MYO16: variants seen among roughly 807,000 people sequenced by gnomAD.
The protein encoded by MYO16 is unconventional myosin-XVI.
In MYO16, 94 loss-of-function variants were observed where a neutral mutation model predicts 205.3. The ratio of observed to expected loss-of-function variants is 0.46; its 90% confidence interval spans 0.39 to 0.54. The LOEUF (loss-of-function observed/expected upper bound fraction) is 0.54. Ranked by LOEUF, MYO16 falls within the 20% of genes least tolerant of loss-of-function variation. The probability of loss-of-function intolerance (pLI) is 0.00; values close to 1 mark genes in which losing one functional copy is unlikely to be tolerated. For missense variants in MYO16, 2,315 were observed against 2,387.5 expected (o/e 0.97, Z 0.63); for synonymous variants, 988 against 954.0 (o/e 1.04, Z -0.66).
At chr13:108,704,237 AT>A (rs1474849251) in intron 2 of MYO16, among the ~76,000 whole-genome samples, 1 of 152,260 alleles carries the variant, frequency 6.6e-6, no homozygotes, top group African/African-American at 2.4e-5. Flanking sequence ...GTATCAAAAA[AT>A]GAATCACAAT....
intron 32 of MYO16, among the ~76,000 whole-genome samples, chr13:109,144,159 C>T (rs1877225538): frequency 6.6e-6 from 1 of 151,790 alleles, no homozygotes; most frequent in African/African-American, 2.4e-5. Flanking sequence ...GAATTACAAG[C>T]GCCCACTACC....
At chr13:108,636,524 T>G (rs1880260271) in intron 1 of MYO16, among the ~76,000 whole-genome samples, 1 of 151,604 alleles carries the variant, frequency 6.6e-6, no homozygotes, top group South Asian at 2.1e-4. Context: ...GGACTACAAG[T>G]GCATACCACA....
rs1007411459 is a variant in MYO16, at chr13:108,630,421, A to G, written c.28+549A>G. Among the ~76,000 whole-genome samples the G allele has an allele frequency of 2.6e-5, 4 of 152,164 alleles. No homozygotes were observed. The East Asian group carries it at 7.7e-4, about 29-fold the overall frequency. On this transcript the variant is annotated intron_variant, in intron 1 of 34. Transcript: ENST00000457511. ...AGGGACTCTGTACCAAATGCTCTCC[A>G]CTGATGTTCATATGGTGAAATTTAG...
the MYO16 span, among the ~76,000 whole-genome samples, chr13:108,561,085 C>T: frequency 6.6e-6 from 1 of 152,142 alleles, no homozygotes; most frequent in African/African-American, 2.4e-5. Flanking sequence ...TTGTCTGTCC[C>T]ATAAGGTTGC....
At chr13:108,771,539 G>A (rs746324156) in intron 4 of MYO16, among the ~76,000 whole-genome samples, 24 of 151,984 alleles carry the variant, frequency 1.6e-4, no homozygotes, top group Non-Finnish European at 2.8e-4. Context: ...TTCATTCTTG[G>A]TGGTGCATAG....
rs75574065 is a variant in MYO16, at chr13:109,006,978, G to A, written c.2443-1919G>A. 1.7e-4 allele frequency among the ~76,000 whole-genome samples: 26 copies of A among 152,250 alleles called. No homozygotes were observed. The East Asian group carries it at 4.6e-3, about 27-fold the overall frequency. ...GAAAGCCAAGAGAGTGTGGTGTCCC[G>A]GAGGAGAGGGGAGAAAGTGCTCCAT... On this transcript the variant is annotated intron_variant, in intron 21 of 34. Coordinates refer to ENST00000457511, the MANE Select transcript of MYO16 (RefSeq NM_001198950.3).
At chr13:108,532,935 T>C in the MYO16 span, among the ~76,000 whole-genome samples, 2 of 151,992 alleles carry the variant, frequency 1.3e-5, no homozygotes, top group Admixed American at 6.6e-5. Flanking sequence ...TGGAAGAGAA[T>C]GGCACCCAGA....
At chr13:109,107,119 G>A (rs774015991) in intron 28 of MYO16, among the ~76,000 whole-genome samples, 12 of 152,124 alleles carry the variant, frequency 7.9e-5, no homozygotes, top group South Asian at 2.1e-4. Context: ...GTGTGCATGC[G>A]TGTATGTAAA....
chr13:108,886,563 A>AGCTTAGGG, intron 13 of MYO16: 2 of 449,306 alleles, frequency 4.5e-6, no homozygotes, highest in Non-Finnish European at 8.9e-6. Context: ...ATACCACCAG[A>AGCTTAGGG]GCTTAGGGCG....
At chr13:108,810,459 GA>G (rs897817262) in intron 7 of MYO16, among the ~76,000 whole-genome samples, 2 of 152,068 alleles carry the variant, frequency 1.3e-5, no homozygotes, top group Non-Finnish European at 2.9e-5. Flanking sequence ...TACTCAGACT[GA>G]AAAAACAACT....
At chr13:108,761,428 A>G (rs1885605250) in intron 4 of MYO16, among the ~76,000 whole-genome samples, 1 of 152,042 alleles carries the variant, frequency 6.6e-6, no homozygotes, top group Non-Finnish European at 1.5e-5. Context: ...AAAGCTGAGA[A>G]AACTTATTAG....
intron 16 of MYO16, among the ~76,000 whole-genome samples, chr13:108,933,217 T>G (rs1882336692): frequency 6.6e-6 from 1 of 152,152 alleles, no homozygotes; most frequent in Admixed American, 6.6e-5. Flanking sequence ...GACAGAAGAC[T>G]TCTGGGAATT....
At chr13:109,109,251 C>A (rs1889211414) in intron 28 of MYO16, among the ~76,000 whole-genome samples, 1 of 152,104 alleles carries the variant, frequency 6.6e-6, no homozygotes, top group African/African-American at 2.4e-5. Flanking sequence ...GTATTATATG[C>A]CAGAAGCCTT....
In MYO16 at chr13:109,141,081, G is replaced by C. The variant is rs201711885; in HGVS notation, c.4869G>C (p.Pro1623=). The change falls in exon 32 of 35, where the codon CCG becomes CCC. Residue 1623 remains proline (P), a synonymous_variant. Coordinates refer to ENST00000457511, the MANE Select transcript of MYO16 (RefSeq NM_001198950.3). This position sits in a 1 kb window ranked among gnomAD's most constrained non-coding sequence, Gnocchi z 4.1. ...TGGCCTTCCCGCCGGAGCCCGCCCCGGTGAACGCGGGGAAAGCGGGGCCGA... is the reference window on the plus strand; with the variant it reads ...TGGCCTTCCCGCCGGAGCCCGCCCCCGTGAACGCGGGGAAAGCGGGGCCGA... ...AHLAFPPEPA[P]VNAGKAGPSA... is the part of the protein sequence containing the mutation. The C allele has an allele frequency of 6.2e-4, 911 of 1,463,962 alleles. 3 individuals carry two copies. In the African/African-American group the frequency reaches 0.012, roughly 20 times the overall value. The allele number at this position is 1,463,962 out of a possible 1,614,324, so 90.7% of individuals were successfully genotyped here. A position where few individuals can be genotyped will look rare whatever the true frequency, so the allele number is the denominator to read the frequency against.
chr13:108,719,066 T>C (rs527626671), intron 3 of MYO16, among the ~76,000 whole-genome samples: 61 of 152,218 alleles, frequency 4.0e-4, no homozygotes, highest in African/African-American at 1.3e-3. Flanking sequence ...CCAGTGAAGA[T>C]AGCAACTAGA....
At chr13:108,925,087 G>C (rs892377932) in intron 16 of MYO16, among the ~76,000 whole-genome samples, 1 of 152,100 alleles carries the variant, frequency 6.6e-6, no homozygotes, top group Non-Finnish European at 1.5e-5. Flanking sequence ...GGATTTTGCT[G>C]AGCATCATCC....
At chr13:108,516,830 G>A in the MYO16 span, among the ~76,000 whole-genome samples, 2 of 151,994 alleles carry the variant, frequency 1.3e-5, no homozygotes, top group Non-Finnish European at 2.9e-5. Flanking sequence ...TTGCTGCTGG[G>A]TACATTTATT....
chr13:108,636,358 TTTTTTTTTTTTTGTGTG>T (rs1366596735), intron 1 of MYO16, among the ~76,000 whole-genome samples: 1 of 72,162 alleles, frequency 1.4e-5, no homozygotes. Flanking sequence ...TTTTTTTTTT[TTTTTTTTTTTTTGTGTG>T]TGTGTGTGTG....
rs1885400806 is a variant in MYO16 at position 108,755,681 on chromosome 13, A to T, written c.507+28098A>T. Among the ~76,000 whole-genome samples, 5 of 152,170 alleles carry T rather than the reference A, an allele frequency of 3.3e-5. No homozygotes were observed. The South Asian group carries it at 1.0e-3, about 31-fold the overall frequency. On this transcript the variant is annotated intron_variant, in intron 4 of 34. Coordinates refer to ENST00000457511, the MANE Select transcript of MYO16 (RefSeq NM_001198950.3). ...CAAAAAAATGAAGTAATTTTAAAGA[A>T]TGGCTGGATTTTATATTCTTCAAAT...
Sources: gnomAD v4.1 joint callset for allele counts (sites outside exome capture counted in the v4.1 genomes callset) on GRCh38, gnomAD v4.1.1 for gene constraint, Gnocchi (gnomAD v3.1) non-coding constraint, MANE v1.5 for transcripts, NCBI Gene and HGNC (gene_info 2026-07-23, HGNC 2026-07-21) for gene names.